The following TNFAIP8 variants were observed in gnomAD, a reference collection of about 807,000 sequenced individuals.
TNFAIP8 encodes the protein TNF alpha induced protein 8.
A neutral mutation model predicts 13.3 loss-of-function variants in TNFAIP8; 7 were observed. The observed-to-expected ratio is 0.52, with a 90% CI of 0.30 to 0.99. The LOEUF (loss-of-function observed/expected upper bound fraction) is 0.99, where lower values mean the gene tolerates loss of function less well. Among genes scored for constraint, TNFAIP8 ranks in the 50% least tolerant of loss-of-function variants. TNFAIP8 has a pLI of 0.07. For missense variants in TNFAIP8, 258 were observed against 236.9 expected (o/e 1.09, Z -0.58); for synonymous variants, 94 against 87.6 (o/e 1.07, Z -0.41).
At chr5:119,348,907 A>AAT (rs70982474) in intron 1 of TNFAIP8, among the ~76,000 whole-genome samples, 36 of 135,746 alleles carry the variant, frequency 2.7e-4, no homozygotes, top group Admixed American at 8.3e-4. Context: ...AAAAAAAAAA[A>AAT]GAATAGACAA....
chr5:119,291,365 A>G (rs1748981456), intron 1 of TNFAIP8, among the ~76,000 whole-genome samples: 1 of 152,258 alleles, frequency 6.6e-6, no homozygotes, highest in Non-Finnish European at 1.5e-5. Flanking sequence ...CCTGTCATGC[A>G]TAATTTACAG....
intron 1 of TNFAIP8, chr5:119,391,261 A>G: frequency 1.6e-6 from 1 of 624,724 alleles, no homozygotes; most frequent in Non-Finnish European, 2.9e-6. Context: ...TATCCAAACT[A>G]GAAATAATCT....
rs1399892289 is a variant in TNFAIP8, at chr5:119,278,374, AGAGTGT to A, written c.1+9469_1+9474del. On this transcript the variant is annotated intron_variant, in intron 1 of 1. Transcript: ENST00000274456. ...GGGGGAGAGAGAGAGAGAGAGAGAG[AGAGTGT>A]GTGTGTGTGTGTGTGTGTGTGTGTG... Among the ~76,000 whole-genome samples, 635 of 123,150 alleles carry A rather than the reference AGAGTGT, an allele frequency of 5.2e-3. 5 individuals carry two copies. The highest frequency in any genetic ancestry group is 0.021 in the African/African-American group (552 of 26,706). 80.8% of individuals were successfully genotyped at this position (123,150 alleles called of 152,430 possible). A position where few individuals can be genotyped will look rare whatever the true frequency, so the allele number is the denominator to read the frequency against.
Position 119,361,951 on chromosome 5 carries a change from T to TG in TNFAIP8, c.31+5831dup, listed in dbSNP as rs1305820571. 2.6e-5 allele frequency among the ~76,000 whole-genome samples: 4 copies of TG among 152,300 alleles called. No individual in the cohort carries two copies. In the East Asian group the frequency reaches 7.7e-4, roughly 29 times the overall value. ...ATGTTAACTGAGATAGCACCTCCTCTGCAGGGCCTGGAGAAGCAAAAATGT... is the reference window on the plus strand; with the variant it reads ...ATGTTAACTGAGATAGCACCTCCTCTGGCAGGGCCTGGAGAAGCAAAAATGT... On this transcript the variant is annotated intron_variant, in intron 1 of 1. Transcript: ENST00000504771.
At chr5:119,330,747 T>C (rs1001145868) in intron 1 of TNFAIP8, among the ~76,000 whole-genome samples, 2 of 152,162 alleles carry the variant, frequency 1.3e-5, no homozygotes, top group African/African-American at 4.8e-5. Flanking sequence ...CATTTTCTCA[T>C]GGCCACCATC....
chr5:119,279,805 T>G (rs1265297990), intron 1 of TNFAIP8, among the ~76,000 whole-genome samples: 1 of 152,250 alleles, frequency 6.6e-6, no homozygotes, highest in Admixed American at 6.5e-5. Context: ...TGTCATTTGT[T>G]ATATGCTTTT....
rs114610908 is a variant in TNFAIP8, at chr5:119,363,811, C to T, written c.31+7690C>T. ...GGGCTCAGTCCCACAAGACTGTCCTCCAACTTGAGACAGCAATTGCAAGGC... is the reference window on the plus strand; with the variant it reads ...GGGCTCAGTCCCACAAGACTGTCCTTCAACTTGAGACAGCAATTGCAAGGC... On this transcript the variant is annotated intron_variant, in intron 1 of 1. Transcript: ENST00000504771. Among the ~76,000 whole-genome samples, 752 of 152,314 alleles carry T rather than the reference C, an allele frequency of 4.9e-3. 2 individuals carry two copies. The highest frequency in any genetic ancestry group is 0.017 in the African/African-American group (692 of 41,564).
chr5:119,365,748 A>G (rs1296434299), intron 1 of TNFAIP8, among the ~76,000 whole-genome samples: 1 of 152,236 alleles, frequency 6.6e-6, no homozygotes, highest in Admixed American at 6.5e-5. Context: ...GAATTGCATC[A>G]GTTATGAAAT....
intron 1 of TNFAIP8, among the ~76,000 whole-genome samples, chr5:119,273,571 A>G (rs1290154130): frequency 1.3e-5 from 2 of 152,254 alleles, no homozygotes; most frequent in Non-Finnish European, 2.9e-5. Context: ...GACGAGCCAT[A>G]GTACCCATTA....
At chr5:119,354,261 G>C (rs1460871021), upstream of TNFAIP8, 1 of 152,148 alleles carries the variant, frequency 6.6e-6, no homozygotes, top group Non-Finnish European at 1.5e-5. Flanking sequence ...TTACCCTTTC[G>C]GTGGCGAGGT....
At chr5:119,298,650 G>A (rs1749257981) in intron 1 of TNFAIP8, among the ~76,000 whole-genome samples, 1 of 152,008 alleles carries the variant, frequency 6.6e-6, no homozygotes, top group Non-Finnish European at 1.5e-5. Context: ...CTGAATGTTG[G>A]CCTGCCTTGC....
chr5:119,391,354 C>T (rs1261982696), intron 1 of TNFAIP8: 1 of 701,942 alleles, frequency 1.4e-6, no homozygotes, highest in South Asian at 1.5e-5. Flanking sequence ...TGACTGCTTT[C>T]TGATACCCAG....
intron 1 of TNFAIP8, among the ~76,000 whole-genome samples, chr5:119,369,743 A>C (rs1042499548): frequency 6.6e-6 from 1 of 152,196 alleles, no homozygotes; most frequent in Non-Finnish European, 1.5e-5. Flanking sequence ...TGTATTGTGC[A>C]TATGGGGTGA....
At chr5:119,303,541 C>G (rs73252311) in intron 1 of TNFAIP8, among the ~76,000 whole-genome samples, 1 of 152,094 alleles carries the variant, frequency 6.6e-6, no homozygotes, top group African/African-American at 2.4e-5. Context: ...CTTTTGCTTC[C>G]CTTATCATTT....
chr5:119,366,917 G>C (rs996179272), intron 1 of TNFAIP8, among the ~76,000 whole-genome samples: 4 of 152,198 alleles, frequency 2.6e-5, no homozygotes, highest in Non-Finnish European at 4.4e-5. Flanking sequence ...CTTTGGGGTT[G>C]CCTCTCTGTG....
At chr5:119,350,539 C>T (rs535658574) in intron 1 of TNFAIP8, among the ~76,000 whole-genome samples, 182 of 152,234 alleles carry the variant, frequency 1.2e-3, no homozygotes, top group South Asian at 5.8e-3. Flanking sequence ...GGAGAGTATG[C>T]TTGTGTTTTA....
chr5:119,280,843 T>C (rs186119018), intron 1 of TNFAIP8, among the ~76,000 whole-genome samples: 2 of 152,350 alleles, frequency 1.3e-5, no homozygotes, highest in African/African-American at 4.8e-5. Flanking sequence ...CTTGATTCTT[T>C]CCTTTGATTT....
chr5:119,282,993 C>T (rs940634012), intron 1 of TNFAIP8, among the ~76,000 whole-genome samples: 2 of 152,226 alleles, frequency 1.3e-5, no homozygotes, highest in African/African-American at 4.8e-5. Flanking sequence ...GACTCTGCTG[C>T]TCCCTATTGT....
At chr5:119,294,907 A>T (rs1749119964) in intron 1 of TNFAIP8, among the ~76,000 whole-genome samples, 1 of 151,268 alleles carries the variant, frequency 6.6e-6, no homozygotes. Context: ...TCTCTTGTAA[A>T]TTTGTTTGAG....
Sources: gnomAD v4.1 joint callset for allele counts (sites outside exome capture counted in the v4.1 genomes callset) on GRCh38, gnomAD v4.1.1 for gene constraint, MANE v1.5 for transcripts, NCBI Gene and HGNC (gene_info 2026-07-23, HGNC 2026-07-21) for gene names.